RLIM: variants seen among roughly 807,000 people sequenced by gnomAD.
RLIM encodes E3 ubiquitin-protein ligase RLIM.
RLIM carries 2 observed loss-of-function variants against 34.0 expected under a neutral mutation model. That is an observed-to-expected ratio of 0.06 (90% CI 0.02 to 0.19). The LOEUF is 0.19. Among genes scored for constraint, RLIM ranks in the 10% least tolerant of loss-of-function variants. The probability of loss-of-function intolerance (pLI) is 1.00; values close to 1 mark genes in which losing one functional copy is unlikely to be tolerated. For synonymous variants in RLIM, 169 were observed against 164.0 expected, an observed-to-expected ratio of 1.03 and a Z score of -0.23; for missense variants, 286 against 479.7, an observed-to-expected ratio of 0.60 and a Z score of 3.77.
In RLIM at chrX:74,592,006, T is replaced by C. The variant is rs1264003009; in HGVS notation, c.1309A>G (p.Met437Val). The change falls in exon 4 of 4, where the codon ATG becomes GTG. Residue 437 changes from methionine (M) to valine (V), a missense_variant. This residue lies in a region of RLIM where 69 missense variants were observed against 83.5 expected (regional missense o/e 0.83). Transcript: ENST00000332687. ...EPTGSVSNRNMERAESRSGRG... is the reference protein window; with the variant it reads ...EPTGSVSNRNVERAESRSGRG... ...CCACTCCGTGACTCTGCCCTTTCCA[T>C]ATTTCGATTTGAGACTGAGCCAGTA... 3.3e-6 allele frequency: 4 copies of C among 1,211,650 alleles called. No homozygotes were observed. Among genetic ancestry groups the C allele is most frequent in the Non-Finnish European group, 4.5e-6 (4 of 895,454 alleles).
intron 1 of RLIM, among the ~76,000 whole-genome samples, chrX:74,602,084 C>T: frequency 8.9e-6 from 1 of 111,779 alleles, no homozygotes; most frequent in East Asian, 2.8e-4. Context: ...GTAAACAAAT[C>T]CATAAACAAC....
In RLIM at chrX:74,592,614, G is replaced by A; in HGVS notation, c.701C>T (p.Pro234Leu). 8.3e-7 allele frequency: 1 copy of A among 1,211,583 alleles called. No individual in the cohort carries two copies. Among genetic ancestry groups the A allele is most frequent in the African/African-American group, 1.7e-5 (1 of 57,792 alleles). ...RAERSRSPLH[P>L]MSEIPRRSHH... ...AGATCTTCGTGGAATTTCACTCATTGGATGCAGAGGTGACCTACTTCTTTC... is the reference window on the plus strand; with the variant it reads ...AGATCTTCGTGGAATTTCACTCATTAGATGCAGAGGTGACCTACTTCTTTC... The change falls in exon 4 of 4, where the codon CCA (proline) becomes CTA (leucine). Residue 234 changes from proline to leucine, a missense_variant. Physicochemically the swap from Pro to Leu is moderately conservative, Grantham distance 98. Transcript: ENST00000332687.
intron 1 of RLIM, among the ~76,000 whole-genome samples, chrX:74,602,799 G>A (rs1046215385): frequency 9.0e-6 from 1 of 110,654 alleles, no homozygotes; most frequent in Non-Finnish European, 1.9e-5. Flanking sequence ...TAAAAGAAAT[G>A]GATGAATTAC....
At chrX:74,609,667 A>C (rs2079699601) in intron 1 of RLIM, among the ~76,000 whole-genome samples, 1 of 110,363 alleles carries the variant, frequency 9.1e-6, no homozygotes, top group Non-Finnish European at 1.9e-5. Context: ...GTGACAATAT[A>C]TCTTTGGTTT....
At chrX:74,599,411 C>T (rs1180264308) in intron 1 of RLIM, among the ~76,000 whole-genome samples, 2 of 111,806 alleles carry the variant, frequency 1.8e-5, no homozygotes, top group Non-Finnish European at 3.8e-5. Flanking sequence ...CCAGATTCCC[C>T]TTATGTTCCC....
rs191003712 is a variant in RLIM, at chrX:74,598,233, C to T, written c.-23-2233G>A. ...CCAATGTAAGCACAAAATAAATTTC[C>T]TTATTTCAAAATCCATTTAACTGTG... On this transcript the variant is annotated intron_variant, in intron 1 of 3. Transcript: ENST00000332687. Among the ~76,000 whole-genome samples, 528 of 111,776 alleles carry T rather than the reference C, an allele frequency of 4.7e-3. 3 individuals carry two copies. Among genetic ancestry groups the T allele is most frequent in the Non-Finnish European group, 6.8e-3 (361 of 53,165 alleles).
At position 74,585,862 on chromosome X, in the gene RLIM, G is replaced by C. The variant is rs987850578; in HGVS notation, c.*5578C>G. 3.6e-5 allele frequency: 4 copies of C among 111,845 alleles called. No individual in the cohort carries two copies. The highest frequency in any genetic ancestry group is 1.3e-4 in the African/African-American group (4 of 30,729). 9.2% of individuals were successfully genotyped at this position (111,845 alleles called of 1,213,427 possible). A position where few individuals can be genotyped will look rare whatever the true frequency, so the allele number is the denominator to read the frequency against. ...TCTGCTTTTTTGAGTCTCTCCCGAA[G>C]GTCAGGAAGCCCTGGTATAACAATC... is the stretch of plus-strand genomic sequence containing the variant. On this transcript the variant is annotated 3_prime_UTR_variant, in exon 4 of 4. Transcript: ENST00000332687.
chrX:74,601,889 T>G (rs946497081), intron 1 of RLIM, among the ~76,000 whole-genome samples: 1 of 111,784 alleles, frequency 8.9e-6, no homozygotes, highest in South Asian at 3.8e-4. Context: ...AGCCTCCAGG[T>G]GATGTTGATG....
Position 74,585,463 on chromosome X carries a change from C to A in RLIM, c.*5977G>T, listed in dbSNP as rs1036208721. 6 of 111,503 alleles carry A rather than the reference C, an allele frequency of 5.4e-5. No homozygotes were observed. Among genetic ancestry groups the A allele is most frequent in the Admixed American group, 2.9e-4 (3 of 10,434 alleles). The allele number at this position is 111,503 out of a possible 1,213,427, so 9.2% of individuals were successfully genotyped here. A position where few individuals can be genotyped will look rare whatever the true frequency, so the allele number is the denominator to read the frequency against. On this transcript the variant is annotated 3_prime_UTR_variant, in exon 4 of 4. Coordinates refer to ENST00000332687, the MANE Select transcript of RLIM (RefSeq NM_016120.4). Reference sequence around the variant, plus strand: ...GCAGATTCCCCTTTTTAAAGAAAAACCCAAGGAGAGATGATCAAGCACAAA... The same window carrying A: ...GCAGATTCCCCTTTTTAAAGAAAAAACCAAGGAGAGATGATCAAGCACAAA...
chrX:74,606,912 G>C (rs1472995869), intron 1 of RLIM, among the ~76,000 whole-genome samples: 1 of 111,073 alleles, frequency 9.0e-6, no homozygotes, highest in African/African-American at 3.3e-5. Flanking sequence ...GAGGTCGGCG[G>C]ATCGCTTGAG....
chrX:74,593,660 A>C (rs2079626655), intron 3 of RLIM, among the ~76,000 whole-genome samples: 1 of 112,776 alleles, frequency 8.9e-6, no homozygotes, highest in African/African-American at 3.2e-5. Context: ...AGTAGTCTGA[A>C]CCTTGCATAG....
Position 74,586,734 on chromosome X carries a change from T to C in RLIM, c.*4706A>G, listed in dbSNP as rs2079588851. 3 of 112,743 alleles carry C rather than the reference T, an allele frequency of 2.7e-5. No homozygotes were observed. Among genetic ancestry groups the C allele is most frequent in the Admixed American group, 9.4e-5 (1 of 10,622 alleles). The allele number at this position is 112,743 out of a possible 1,213,427, so 9.3% of individuals were successfully genotyped here. On this transcript the variant is annotated 3_prime_UTR_variant, in exon 4 of 4. Coordinates refer to ENST00000332687, the MANE Select transcript of RLIM (RefSeq NM_016120.4). ...TTAATTTCATAATCCTAAAACTTTT[T>C]CTAAAAATTTTTGCAGGGCAGGTAC...
chrX:74,597,986 C>T (rs1472578721), intron 1 of RLIM, among the ~76,000 whole-genome samples: 1 of 112,021 alleles, frequency 8.9e-6, no homozygotes, highest in Admixed American at 9.5e-5. Flanking sequence ...GATAATGTTT[C>T]TTAATGAATC....
chrX:74,595,397 G>A (rs1233101601), intron 2 of RLIM, among the ~76,000 whole-genome samples: 5 of 111,991 alleles, frequency 4.5e-5, no homozygotes, highest in Middle Eastern at 4.6e-3. Context: ...TAATTGCTAT[G>A]TTACCCAAGG....
At chrX:74,595,777 A>C in intron 2 of RLIM, 32 bp downstream of exon 2, 1 of 1,088,718 alleles carries the variant, frequency 9.2e-7, no homozygotes, top group Non-Finnish European at 1.2e-6. Flanking sequence ...AGCAACTTAC[A>C]CTTATAAATC....
intron 1 of RLIM, among the ~76,000 whole-genome samples, chrX:74,603,800 A>C (rs770552478): frequency 9.0e-6 from 1 of 111,706 alleles, no homozygotes; most frequent in Non-Finnish European, 1.9e-5. Flanking sequence ...TTATTGACTC[A>C]ACATAATCAA....
At chrX:74,594,681 C>T (rs980531904) in intron 2 of RLIM, among the ~76,000 whole-genome samples, 3 of 110,243 alleles carry the variant, frequency 2.7e-5, no homozygotes, top group Non-Finnish European at 3.8e-5. Flanking sequence ...GGTGGATCAC[C>T]GGAGGTCAGG....
At chrX:74,607,776 T>A (rs1036917731) in intron 1 of RLIM, among the ~76,000 whole-genome samples, 5 of 112,283 alleles carry the variant, frequency 4.5e-5, no homozygotes, top group African/African-American at 1.3e-4. Flanking sequence ...AAGAACTTCA[T>A]AAAGGAGTCC....
rs1298424141 is a variant in RLIM, at chrX:74,586,449, A to AAT, written c.*4990_*4991insAT. On this transcript the variant is annotated 3_prime_UTR_variant, in exon 4 of 4. Coordinates refer to ENST00000332687, the MANE Select transcript of RLIM (RefSeq NM_016120.4). ...CCATAAAGCAGCTCGTGGAACTTTA[A>AAT]TAAACAAATCCTAATAAAAATAAAT... The AAT allele has an allele frequency of 8.9e-6, 1 of 112,417 alleles. No individual in the cohort carries two copies. Among genetic ancestry groups the AAT allele is most frequent in the African/African-American group, 3.2e-5 (1 of 30,925 alleles). 9.3% of individuals were successfully genotyped at this position (112,417 alleles called of 1,213,427 possible).
Sources: gnomAD v4.1 joint callset for allele counts (sites outside exome capture counted in the v4.1 genomes callset) on GRCh38, gnomAD v4.1.1 for gene constraint, gnomAD v4.1.1 regional missense constraint, MANE v1.5 for transcripts, NCBI Gene and HGNC (gene_info 2026-07-23, HGNC 2026-07-21) for gene names.